LDLRAD4: variants seen among roughly 807,000 people sequenced by gnomAD.
The protein encoded by LDLRAD4 is low density lipoprotein receptor class A domain containing 4, also known as low-density lipoprotein receptor class A domain-containing protein 4.
A neutral mutation model predicts 17.0 loss-of-function variants in LDLRAD4; 5 were observed. The observed-to-expected ratio is 0.29, with a 90% CI of 0.15 to 0.62. LDLRAD4 has a LOEUF of 0.62. Among genes scored for constraint, LDLRAD4 ranks in the 20% least tolerant of loss-of-function variants. LDLRAD4 has a pLI of 0.84. For synonymous variants in LDLRAD4, 168 were observed against 171.8 expected (o/e 0.98, Z 0.17); for missense variants, 340 against 424.7 (o/e 0.80, Z 1.75).
chr18:13,464,393 A>T (rs1476027432), intron 3 of LDLRAD4, among the ~76,000 whole-genome samples: 2 of 152,228 alleles, frequency 1.3e-5, no homozygotes, highest in Non-Finnish European at 2.9e-5. Flanking sequence ...CTCTAATCTG[A>T]TCAGTAGAAT....
chr18:13,243,008 C>T (rs571463132), intron 1 of LDLRAD4, among the ~76,000 whole-genome samples: 9 of 152,368 alleles, frequency 5.9e-5, no homozygotes, highest in Non-Finnish European at 8.8e-5. Flanking sequence ...GCCTGCTCTG[C>T]CCCTGTGCCT....
chr18:13,325,757 C>CT (rs35534448), intron 1 of LDLRAD4, among the ~76,000 whole-genome samples: 4,575 of 145,720 alleles, frequency 0.031, 163 homozygotes, highest in African/African-American at 0.09. Flanking sequence ...AACTTTTTTC[C>CT]TTTTTTTTTT....
intron 1 of LDLRAD4, chr18:13,239,590 G>C (rs1310927303): frequency 1.3e-5 from 2 of 152,288 alleles, no homozygotes; most frequent in Admixed American, 1.3e-4. Context: ...TTGTCCAGAG[G>C]GGGCTTGGGC....
chr18:13,335,137 G>A (rs1415563002), intron 1 of LDLRAD4, among the ~76,000 whole-genome samples: 1 of 151,974 alleles, frequency 6.6e-6, no homozygotes, highest in Non-Finnish European at 1.5e-5. Context: ...TTTTAAGTTG[G>A]TAAGTTGATG....
exon 6 of LDLRAD4, chr18:13,649,211 T>C (rs2043138494): frequency 6.6e-6 from 1 of 152,276 alleles, no homozygotes; most frequent in Non-Finnish European, 1.5e-5. Context: ...AGAGGAATTT[T>C]GTACCCAGGC....
chr18:13,390,145 T>C (rs1163849894), intron 2 of LDLRAD4, among the ~76,000 whole-genome samples: 1 of 152,192 alleles, frequency 6.6e-6, no homozygotes, highest in Non-Finnish European at 1.5e-5. Flanking sequence ...ATACTTTGGC[T>C]CCTCTCTTTC....
chr18:13,612,903 T>A, intron 3 of LDLRAD4: 1 of 1,046,770 alleles, frequency 9.6e-7, no homozygotes, highest in Non-Finnish European at 1.4e-6. Context: ...TCTTTCTACC[T>A]AAGAGGGGTC....
chr18:13,350,472 G>A (rs936684860), intron 1 of LDLRAD4, among the ~76,000 whole-genome samples: 3 of 152,046 alleles, frequency 2.0e-5, no homozygotes, highest in African/African-American at 7.2e-5. Flanking sequence ...CTTTTTGATG[G>A]GGGTATTTGT....
intron 3 of LDLRAD4, among the ~76,000 whole-genome samples, chr18:13,503,230 G>A (rs1178759570): frequency 1.3e-5 from 2 of 152,222 alleles, no homozygotes; most frequent in Non-Finnish European, 2.9e-5. Context: ...ATGGAGGATG[G>A]CCCTAGGTAC....
chr18:13,579,418 T>C (rs1568363996), intron 3 of LDLRAD4, among the ~76,000 whole-genome samples: 2 of 152,232 alleles, frequency 1.3e-5, no homozygotes, highest in Admixed American at 6.5e-5. Flanking sequence ...CCCTTTTTAC[T>C]AGGAAGTGAC....
intron 5 of LDLRAD4, 35 bp downstream of exon 6, chr18:13,643,447 C>CGG (rs71174176): frequency 1.0e-3 from 173 of 165,684 alleles, no homozygotes; most frequent in African/African-American, 7.4e-3. Flanking sequence ...CTGCGGGGGG[C>CGG]GGGGGGGGTG....
At chr18:13,616,467 T>C (rs2040088416) in intron 3 of LDLRAD4, among the ~76,000 whole-genome samples, 2 of 152,152 alleles carry the variant, frequency 1.3e-5, no homozygotes, top group Admixed American at 6.5e-5. Flanking sequence ...CTGTTGCTAG[T>C]GTTCTGGCTC....
chr18:13,248,729 C>T (rs1275308225), intron 1 of LDLRAD4, among the ~76,000 whole-genome samples: 1 of 152,180 alleles, frequency 6.6e-6, no homozygotes, highest in Admixed American at 6.5e-5. Context: ...GCATCTCCAT[C>T]ATCTCAAACA....
chr18:13,256,904 G>T (rs905202795), intron 1 of LDLRAD4, among the ~76,000 whole-genome samples: 6 of 149,382 alleles, frequency 4.0e-5, no homozygotes, highest in African/African-American at 1.0e-4. Context: ...GGCGGAATTT[G>T]GTGCACTTAC....
chr18:13,602,850 T>C (rs2148647831), intron 3 of LDLRAD4, among the ~76,000 whole-genome samples: 1 of 152,246 alleles, frequency 6.6e-6, no homozygotes, highest in South Asian at 2.1e-4. Flanking sequence ...AAGTAAAATA[T>C]TGAACTAAGC....
Position 13,374,218 on chromosome 18 carries a change from C to T in LDLRAD4, c.-382-13123C>T, listed in dbSNP as rs117648560. Among the ~76,000 whole-genome samples, 398 of 152,302 alleles carry T rather than the reference C, an allele frequency of 2.6e-3. 1 individual carries two copies. The highest frequency in any genetic ancestry group is 4.7e-3 in the Non-Finnish European group (320 of 68,024). On this transcript the variant is annotated intron_variant, in intron 1 of 5. Coordinates refer to ENST00000359446, the Ensembl canonical transcript of LDLRAD4. ...AGAGGATGCTGCAGAGGCCAGAGCC[C>T]TCCCAGCCCTGACCCCACACAGGCT...
At chr18:13,605,777 C>G (rs2148666135) in intron 3 of LDLRAD4, among the ~76,000 whole-genome samples, 1 of 152,296 alleles carries the variant, frequency 6.6e-6, no homozygotes, top group Middle Eastern at 3.4e-3. Flanking sequence ...TTAGCAAAAA[C>G]AAGAGCCCTC....
At chr18:13,325,750 T>C (rs909012828) in intron 1 of LDLRAD4, among the ~76,000 whole-genome samples, 10 of 151,416 alleles carry the variant, frequency 6.6e-5, no homozygotes, top group African/African-American at 2.4e-4. Context: ...CAATATAAAC[T>C]TTTTTCCTTT....
intron 3 of LDLRAD4, among the ~76,000 whole-genome samples, chr18:13,581,466 A>C (rs1039809849): frequency 3.9e-5 from 6 of 152,220 alleles, no homozygotes; most frequent in Non-Finnish European, 7.3e-5. Context: ...CCTGGGTAGA[A>C]TCTCCTAAGT....
Sources: allele counts gnomAD v4.1 joint callset (sites outside exome capture counted in the v4.1 genomes callset), GRCh38; gene constraint gnomAD v4.1.1; transcripts MANE v1.5; gene names NCBI Gene and HGNC (gene_info 2026-07-23, HGNC 2026-07-21).